The following NT5E variants were observed in gnomAD, a reference collection of about 807,000 sequenced individuals.
The protein encoded by NT5E is 5'-nucleotidase.
Under a neutral mutation model 55.1 loss-of-function variants are expected in NT5E, and 53 were observed. That is an observed-to-expected ratio of 0.96 (90% confidence interval 0.77 to 1.21). The LOEUF (loss-of-function observed/expected upper bound fraction) is 1.21, where lower values mean the gene tolerates loss of function less well. Among genes scored for constraint, NT5E ranks in the 50% most tolerant of loss-of-function variants. The probability of loss-of-function intolerance (pLI) is 0.00; values close to 1 mark genes in which losing one functional copy is unlikely to be tolerated. For synonymous variants in NT5E, 270 were observed against 278.4 expected (o/e 0.97, Z 0.30); for missense variants, 683 against 724.3 (o/e 0.94, Z 0.65).
intron 3 of NT5E, among the ~76,000 whole-genome samples, chr6:85,477,347 T>A (rs558914365): frequency 1.1e-4 from 17 of 152,312 alleles, no homozygotes; most frequent in African/African-American, 1.7e-4. Context: ...GTTTTTTTTT[T>A]AATTAAGTAT....
intron 1 of NT5E, among the ~76,000 whole-genome samples, chr6:85,459,346 T>C (rs1769048574): frequency 6.6e-6 from 1 of 152,250 alleles, no homozygotes; most frequent in African/African-American, 2.4e-5. Context: ...AGTGACTAGC[T>C]AAATAAATGT....
Position 85,492,089 on chromosome 6 carries a change from G to A in NT5E, c.1473G>A (p.Glu491=), listed in dbSNP as rs1769797316. The change falls in exon 8 of 9, where the codon GAG becomes GAA. Residue 491 remains glutamate, a synonymous_variant. Coordinates refer to ENST00000257770, the MANE Select transcript of NT5E (RefSeq NM_002526.4). ...GTTATGACCCTCTCAAAATGGACGA[G>A]GTATATAAGGTGATCCTCCCAAACT... ...VPSYDPLKMD[E]VYKVILPNFL... 1 of 1,614,156 alleles carries A rather than the reference G, an allele frequency of 6.2e-7. No homozygotes were observed. The highest frequency in any genetic ancestry group is 8.5e-7 in the Non-Finnish European group (1 of 1,180,010).
chr6:85,467,249 A>T lies in NT5E; in HGVS notation c.529A>T (p.Thr177Ser). The T allele has an allele frequency of 6.2e-7, 1 of 1,614,170 alleles. No individual in the cohort carries two copies. The highest frequency in any genetic ancestry group is 8.5e-7 in the Non-Finnish European group (1 of 1,180,004). ...TGAAGTTGTGGGAATCGTTGGATAC[A>T]CTTCCAAAGAAACCCCTTTTCTCTC... ...GDEVVGIVGY[T>S]SKETPFLSNP... The change falls in exon 2 of 9, where the codon ACT becomes TCT. Residue 177 changes from threonine (T) to serine (S), a missense_variant. By Grantham distance (58) the Thr-to-Ser change is moderately conservative. Transcript: ENST00000257770.
chr6:85,474,857 C>T (rs924210774), intron 3 of NT5E, among the ~76,000 whole-genome samples: 4 of 152,108 alleles, frequency 2.6e-5, no homozygotes, highest in South Asian at 2.1e-4. Flanking sequence ...TTGCTTGAAT[C>T]GGGGAGGTTG....
At chr6:85,493,714 T>C in intron 8 of NT5E, 127 bp from the exon 9 acceptor site, 3 of 736,944 alleles carry the variant, frequency 4.1e-6, no homozygotes. Flanking sequence ...TCACTAGCGT[T>C]CTTGTCTTCT....
chr6:85,466,672 T>C (rs2127756552), intron 1 of NT5E, among the ~76,000 whole-genome samples: 1 of 152,316 alleles, frequency 6.6e-6, no homozygotes, highest in Admixed American at 6.5e-5. Flanking sequence ...CTGATGTTAA[T>C]CATTCTCTCC....
chr6:85,488,580 A>T (rs1038458341), intron 5 of NT5E, among the ~76,000 whole-genome samples: 6 of 151,748 alleles, frequency 4.0e-5, no homozygotes, highest in Non-Finnish European at 7.4e-5. Flanking sequence ...TATTTAATTA[A>T]TTAATTTATT....
At chr6:85,461,323 C>T (rs1769094914) in intron 1 of NT5E, among the ~76,000 whole-genome samples, 1 of 152,222 alleles carries the variant, frequency 6.6e-6, no homozygotes, top group Admixed American at 6.5e-5. Context: ...GGTTACAAAA[C>T]ACAGTCTTTC....
At chr6:85,489,195 A>G (rs985405158) in intron 5 of NT5E, among the ~76,000 whole-genome samples, 1 of 152,146 alleles carries the variant, frequency 6.6e-6, no homozygotes, top group African/African-American at 2.4e-5. Context: ...GCCACCTTGC[A>G]TGGGAGGCCC....
chr6:85,460,464 T>G (rs376687484), intron 1 of NT5E, among the ~76,000 whole-genome samples: 1 of 152,236 alleles, frequency 6.6e-6, no homozygotes, highest in Non-Finnish European at 1.5e-5. Flanking sequence ...AATATATCTT[T>G]AGCAAGTAAC....
In NT5E at chr6:85,464,337, G is replaced by A. The variant is rs770290564; in HGVS notation, c.340-2723G>A. On this transcript the variant is annotated intron_variant, in intron 1 of 8. Coordinates refer to ENST00000257770, the MANE Select transcript of NT5E (RefSeq NM_002526.4). ...TCTTTACTAACTCACTTTCCATGAC[G>A]CTGGCATGTGGCAAGTGCTGACTCA... Among the ~76,000 whole-genome samples the A allele has an allele frequency of 3.3e-5, 5 of 152,188 alleles. No homozygotes were observed. In the East Asian group the frequency reaches 7.7e-4, roughly 24 times the overall value.
At position 85,485,407 on chromosome 6, in the gene NT5E, T is replaced by C. The variant is rs141102470; in HGVS notation, c.924T>C (p.Ile308=). The C allele has an allele frequency of 9.6e-5, 155 of 1,614,108 alleles. No individual in the cohort carries two copies. Among genetic ancestry groups the C allele is most frequent in the Non-Finnish European group, 1.3e-4 (151 of 1,180,032 alleles). ...TCATCTCTTCCCATGGAAATCCCAT[T>C]CTTCTAAACAGCAGCATTCCTGAAG... The part of the protein sequence containing the change: ...GNVISSHGNP[I]LLNSSIPEDP... Residue 308 remains isoleucine (I), a synonymous_variant, in exon 4 of 9, where the codon ATT becomes ATC. Coordinates refer to ENST00000257770, the MANE Select transcript of NT5E (RefSeq NM_002526.4).
rs1768825045 is a variant in NT5E at position 85,450,213 on chromosome 6, G to C, written c.74G>C (p.Gly25Ala). The C allele has an allele frequency of 6.2e-7, 1 of 1,608,986 alleles. No homozygotes were observed. The highest frequency in any genetic ancestry group is 8.5e-7 in the Non-Finnish European group (1 of 1,178,862). The change falls in exon 1 of 9, where the codon GGC (glycine) becomes GCC (alanine). Residue 25 changes from glycine (G) to alanine (A), a missense_variant. Coordinates refer to ENST00000257770, the MANE Select transcript of NT5E (RefSeq NM_002526.4). This position sits in a 1 kb window ranked among gnomAD's most constrained non-coding sequence, Gnocchi z 4.0. ...ALGAVLWPAA[G>A]AWELTILHTN... is the part of the protein sequence containing the mutation. ...GGCGCGGTGCTGTGGCCTGCGGCTG[G>C]CGCCTGGGAGCTTACGATTTTGCAC...
At chr6:85,493,631 T>C (rs1328808028) in intron 8 of NT5E, among the ~76,000 whole-genome samples, 1 of 152,132 alleles carries the variant, frequency 6.6e-6, no homozygotes, top group Non-Finnish European at 1.5e-5. Context: ...TTCCCCCAAT[T>C]ACCCAATATT....
intron 2 of NT5E, among the ~76,000 whole-genome samples, chr6:85,469,807 C>A (rs551129757): frequency 6.6e-6 from 1 of 152,310 alleles, no homozygotes; most frequent in Admixed American, 6.5e-5. Context: ...CATTCTGGGG[C>A]CTCCCTGGCT....
At chr6:85,465,162 A>C (rs1769166533) in intron 1 of NT5E, among the ~76,000 whole-genome samples, 1 of 152,202 alleles carries the variant, frequency 6.6e-6, no homozygotes, top group Non-Finnish European at 1.5e-5. Flanking sequence ...AGAGAGGTGA[A>C]AAGACAGTCA....
In NT5E at chr6:85,490,606, C is replaced by T. The variant is rs751032063; in HGVS notation, c.1309C>T (p.His437Tyr). The T allele has an allele frequency of 6.2e-7, 1 of 1,614,086 alleles. No homozygotes were observed. The highest frequency in any genetic ancestry group is 8.5e-7 in the Non-Finnish European group (1 of 1,180,028). Residue 437 changes from histidine to tyrosine, a missense_variant, in exon 7 of 9, where the codon CAT (histidine) becomes TAT (tyrosine). His to Tyr is a moderately conservative substitution (Grantham distance 83). Coordinates refer to ENST00000257770, the MANE Select transcript of NT5E (RefSeq NM_002526.4). The stretch of plus-strand genomic sequence containing the variant: ...TTCCACCCTGAAGAAGGCCTTTGAG[C>T]ATAGCGTGCACCGCTACGGCCAGTC... ...KGSTLKKAFEHSVHRYGQSTG... is the reference protein window; with the variant it reads ...KGSTLKKAFEYSVHRYGQSTG...
At chr6:85,483,206 G>T (rs543070448) in intron 3 of NT5E, among the ~76,000 whole-genome samples, 1 of 152,364 alleles carries the variant, frequency 6.6e-6, no homozygotes, top group South Asian at 2.1e-4. Flanking sequence ...GGGTTTCCAG[G>T]AAACTGACAG....
chr6:85,455,670 T>C (rs1768974116), intron 1 of NT5E, among the ~76,000 whole-genome samples: 1 of 152,204 alleles, frequency 6.6e-6, no homozygotes, highest in Non-Finnish European at 1.5e-5. Context: ...TTTATAGCCA[T>C]TCAGCCAGAA....
Sources: gnomAD v4.1 joint callset for allele counts (sites outside exome capture counted in the v4.1 genomes callset) on GRCh38, gnomAD v4.1.1 for gene constraint, Gnocchi (gnomAD v3.1) non-coding constraint, MANE v1.5 for transcripts, NCBI Gene and HGNC (gene_info 2026-07-23, HGNC 2026-07-21) for gene names.